The following PAPPA variants were observed in gnomAD, a reference collection of about 807,000 sequenced individuals.
The protein encoded by PAPPA is pappalysin 1, also known as pappalysin-1.
Under a neutral mutation model 164.0 loss-of-function variants are expected in PAPPA, and 60 were observed. That is an observed-to-expected ratio of 0.37 (90% CI 0.30 to 0.45). The LOEUF (loss-of-function observed/expected upper bound fraction) is 0.45. Ranked by LOEUF, PAPPA falls within the 20% of genes least tolerant of loss-of-function variation. PAPPA has a pLI of 1.00. For synonymous variants in PAPPA, 875 were observed against 814.1 expected (o/e 1.07, Z -1.27); for missense variants, 1,782 against 2,087.3 (o/e 0.85, Z 2.85).
At chr9:116,382,207 G>T (rs1404329493) in intron 20 of PAPPA, among the ~76,000 whole-genome samples, 188 bp from the exon 21 acceptor site, 1 of 152,080 alleles carries the variant, frequency 6.6e-6, no homozygotes, top group Non-Finnish European at 1.5e-5. Context: ...TAGAAAGAAA[G>T]ATAAGAGTCT....
In PAPPA at chr9:116,257,299, A is replaced by G. The variant is rs1056956136; in HGVS notation, c.2733-8558A>G. On this transcript the variant is annotated intron_variant, in intron 7 of 21. Coordinates refer to ENST00000328252, the MANE Select transcript of PAPPA (RefSeq NM_002581.5). ...CAGATTCCTTCATGATGAAAAAATT[A>G]TAGTAAACTGGGAATAAGTACAATG... is the stretch of plus-strand genomic sequence containing the variant. Among the ~76,000 whole-genome samples the G allele has an allele frequency of 8.1e-4, 124 of 152,184 alleles. 1 individual carries two copies. The highest frequency in any genetic ancestry group is 2.9e-3 in the African/African-American group (119 of 41,572).
At chr9:116,325,553 T>C (rs1397725293) in intron 10 of PAPPA, among the ~76,000 whole-genome samples, 2 of 152,206 alleles carry the variant, frequency 1.3e-5, no homozygotes, top group African/African-American at 4.8e-5. Context: ...TAAGGGATTC[T>C]GCTAAAATGA....
At chr9:116,370,219 G>A (rs1250315377) in intron 19 of PAPPA, among the ~76,000 whole-genome samples, 3 of 152,150 alleles carry the variant, frequency 2.0e-5, no homozygotes, top group Non-Finnish European at 4.4e-5. Context: ...GCTGTGATCA[G>A]GCACTGGGTC....
At chr9:116,235,746 C>T (rs1844657113) in intron 7 of PAPPA, 109 bp downstream of exon 7, 1 of 1,031,878 alleles carries the variant, frequency 9.7e-7, no homozygotes. Flanking sequence ...AGTCAAGACT[C>T]ACTCTATGGA....
intron 8 of PAPPA, among the ~76,000 whole-genome samples, chr9:116,269,004 A>T (rs1447439697): frequency 1.3e-5 from 2 of 152,166 alleles, no homozygotes; most frequent in Non-Finnish European, 2.9e-5. Flanking sequence ...CCCTTAATGG[A>T]TGAGTGCTGT....
At chr9:116,161,116 A>G (rs1035364982) in intron 1 of PAPPA, among the ~76,000 whole-genome samples, 5 of 152,202 alleles carry the variant, frequency 3.3e-5, no homozygotes, top group African/African-American at 1.2e-4. Flanking sequence ...GAGAGATGTG[A>G]GGGATTAGTG....
chr9:116,273,889 T>C (rs1845165875), intron 9 of PAPPA, among the ~76,000 whole-genome samples: 2 of 152,370 alleles, frequency 1.3e-5, no homozygotes, highest in South Asian at 4.1e-4. Flanking sequence ...CTGATGGTGA[T>C]ATTTGCTTAA....
intron 19 of PAPPA, among the ~76,000 whole-genome samples, chr9:116,371,986 A>T (rs1564245702): frequency 6.6e-6 from 1 of 152,236 alleles, no homozygotes; most frequent in Non-Finnish European, 1.5e-5. Context: ...ATTAGAAATC[A>T]TGAGGCATTT....
At chr9:116,180,498 C>A (rs1843891369) in intron 1 of PAPPA, among the ~76,000 whole-genome samples, 1 of 152,052 alleles carries the variant, frequency 6.6e-6, no homozygotes, top group South Asian at 2.1e-4. Flanking sequence ...AAAGAGACTA[C>A]TAAATAGAGG....
chr9:116,386,720 T>C (rs1846818586), intron 21 of PAPPA, among the ~76,000 whole-genome samples: 1 of 152,158 alleles, frequency 6.6e-6, no homozygotes, highest in African/African-American at 2.4e-5. Context: ...CCTGTTCTGG[T>C]TGGAAACATT....
At chr9:116,345,288 G>A (rs992953097) in intron 14 of PAPPA, among the ~76,000 whole-genome samples, 3 of 152,112 alleles carry the variant, frequency 2.0e-5, no homozygotes, top group Admixed American at 2.0e-4. Context: ...GTGTTGTGGA[G>A]GCACAGAGAG....
chr9:116,344,831 G>A (rs1428725414), intron 14 of PAPPA, 120 bp downstream of exon 14: 1 of 746,916 alleles, frequency 1.3e-6, no homozygotes, highest in Non-Finnish European at 2.1e-6. Context: ...CATAGTAGGT[G>A]CTCAATAAAT....
intron 9 of PAPPA, among the ~76,000 whole-genome samples, chr9:116,279,540 T>G (rs1845242706): frequency 6.6e-6 from 1 of 151,870 alleles, no homozygotes; most frequent in Admixed American, 6.6e-5. Context: ...GCAGCCCAGG[T>G]CTGCTTCCTG....
intron 7 of PAPPA, among the ~76,000 whole-genome samples, chr9:116,258,591 G>A (rs781777752): frequency 6.6e-6 from 1 of 152,042 alleles, no homozygotes; most frequent in Non-Finnish European, 1.5e-5. Flanking sequence ...GGGAGGCGGA[G>A]GTTGAGGTGA....
intron 4 of PAPPA, among the ~76,000 whole-genome samples, chr9:116,219,135 G>C (rs1000619824): frequency 2.6e-5 from 4 of 152,152 alleles, no homozygotes; most frequent in African/African-American, 9.7e-5. Flanking sequence ...CGTGCAATCT[G>C]ATCAGCCTCA....
At chr9:116,155,133 T>TC (rs916936591) in intron 1 of PAPPA, among the ~76,000 whole-genome samples, 7 of 152,168 alleles carry the variant, frequency 4.6e-5, no homozygotes, top group Non-Finnish European at 1.0e-4. Flanking sequence ...CCTCTGGGAC[T>TC]CACCCTCACC....
chr9:116,173,292 T>A (rs1379362655), intron 1 of PAPPA, among the ~76,000 whole-genome samples: 2 of 152,174 alleles, frequency 1.3e-5, no homozygotes, highest in African/African-American at 2.4e-5. Flanking sequence ...GTATCAAACC[T>A]CTCTCTTTGA....
intron 4 of PAPPA, among the ~76,000 whole-genome samples, chr9:116,219,293 C>T (rs1425601773): frequency 6.6e-6 from 1 of 152,230 alleles, no homozygotes; most frequent in African/African-American, 2.4e-5. Context: ...GTCTTGACTC[C>T]ATAACTAGAC....
chr9:116,256,173 G>C (rs900971006), intron 7 of PAPPA, among the ~76,000 whole-genome samples: 1 of 151,750 alleles, frequency 6.6e-6, no homozygotes, highest in African/African-American at 2.4e-5. Flanking sequence ...AGTAAACAAG[G>C]CATCAAAATA....
Sources: allele counts gnomAD v4.1 joint callset (sites outside exome capture counted in the v4.1 genomes callset), GRCh38; gene constraint gnomAD v4.1.1; transcripts MANE v1.5; gene names NCBI Gene and HGNC (gene_info 2026-07-23, HGNC 2026-07-21).